Variants in MDM2 observed in about 807,000 individuals in gnomAD.
MDM2 encodes MDM2 proto-oncogene, also known as E3 ubiquitin-protein ligase Mdm2.
In MDM2, 11 loss-of-function variants were observed where a neutral mutation model predicts 64.3. The ratio of observed to expected loss-of-function variants is 0.17; its 90% CI spans 0.11 to 0.28. The LOEUF (loss-of-function observed/expected upper bound fraction) is 0.28, where lower values mean the gene tolerates loss of function less well. Among genes scored for constraint, MDM2 ranks in the 10% least tolerant of loss-of-function variants. The pLI is 1.00. For synonymous variants in MDM2, 194 were observed against 192.9 expected (o/e 1.01, Z -0.05); for missense variants, 388 against 577.1 (o/e 0.67, Z 3.36).
Position 68,842,189 on chromosome 12 carries a change from G to T in MDM2, c.*2340G>T. On this transcript the variant is annotated 3_prime_UTR_variant, in exon 11 of 11. Coordinates refer to ENST00000258149, the MANE Select transcript of MDM2 (RefSeq NM_002392.6). ...TATGGAATAAAACTACTGATGCAGT[G>T]AAGACAGTTGAAAAGATCAAACAAA... 2.0e-6 allele frequency: 1 copy of T among 499,098 alleles called. No individual in the cohort carries two copies. The allele number at this position is 499,098 out of a possible 1,614,324, so 30.9% of individuals were successfully genotyped here.
At chr12:68,825,536 C>T (rs1221688224) in intron 7 of MDM2, among the ~76,000 whole-genome samples, 1 of 152,098 alleles carries the variant, frequency 6.6e-6, no homozygotes, top group African/African-American at 2.4e-5. Context: ...GCCTGTAGTC[C>T]CAGCTACTCG....
chr12:68,833,166 ATT>A (rs1383832355), intron 8 of MDM2, among the ~76,000 whole-genome samples: 4 of 122,032 alleles, frequency 3.3e-5, no homozygotes, highest in Non-Finnish European at 5.2e-5. Context: ...ATATATATAT[ATT>A]TATATTTAAA....
intron 7 of MDM2, among the ~76,000 whole-genome samples, chr12:68,825,930 CT>C (rs1882280013): frequency 6.6e-6 from 1 of 152,068 alleles, no homozygotes; most frequent in South Asian, 2.1e-4. Flanking sequence ...AGATCTGTAC[CT>C]TATGCCAAAA....
At chr12:68,829,254 AGTT>A (rs146370968) in intron 8 of MDM2, among the ~76,000 whole-genome samples, 11,236 of 152,214 alleles carry the variant, frequency 0.074, 505 homozygotes, top group African/African-American at 0.13. Context: ...TGGAGTATAG[AGTT>A]GTTTGAGAAT....
At chr12:68,813,071 T>C (rs1295759956) in intron 2 of MDM2, among the ~76,000 whole-genome samples, 1 of 152,206 alleles carries the variant, frequency 6.6e-6, no homozygotes, top group Non-Finnish European at 1.5e-5. Flanking sequence ...AAGAAAATGC[T>C]GAGTTGTAGT....
chr12:68,810,663 A>G (rs971170553), intron 2 of MDM2, among the ~76,000 whole-genome samples: 2 of 151,788 alleles, frequency 1.3e-5, no homozygotes, highest in African/African-American at 4.8e-5. Context: ...GGGTTTCACC[A>G]TGTTAGCCAG....
chr12:68,850,436 TA>T (rs1474975991), downstream of MDM2: 1 of 152,240 alleles, frequency 6.6e-6, no homozygotes, highest in Non-Finnish European at 1.5e-5. Flanking sequence ...CGTCACTTTT[TA>T]AAAATTGGTA....
intron 8 of MDM2, among the ~76,000 whole-genome samples, chr12:68,831,564 G>A (rs1163723475): frequency 2.0e-5 from 3 of 152,144 alleles, no homozygotes; most frequent in Non-Finnish European, 4.4e-5. Flanking sequence ...GGACCCTCTT[G>A]CATTTGCATC....
In MDM2 at chr12:68,845,168, T is replaced by C. The variant is rs919268008; in HGVS notation, c.*5319T>C. The stretch of plus-strand genomic sequence containing the variant: ...GTGAAAAGTTTTTAGTTGCGCTTTA[T>C]GGGTGGATGCTGAATTACATTTTGA... On this transcript the variant is annotated 3_prime_UTR_variant, in exon 11 of 11. Transcript: ENST00000258149. 12 of 222,616 alleles carry C rather than the reference T, an allele frequency of 5.4e-5. No individual in the cohort carries two copies. Among genetic ancestry groups the C allele is most frequent in the African/African-American group, 2.5e-4 (11 of 44,582 alleles). The allele number at this position is 222,616 out of a possible 1,614,324, so 13.8% of individuals were successfully genotyped here. A position where few individuals can be genotyped will look rare whatever the true frequency, so the allele number is the denominator to read the frequency against.
intron 1 of MDM2, 192 bp from the exon 2 acceptor site, chr12:68,809,016 C>T: frequency 6.8e-7 from 1 of 1,473,226 alleles, no homozygotes; most frequent in Non-Finnish European, 8.9e-7. Flanking sequence ...ATTTTCCCAG[C>T]TGTGTTCAGT....
intron 2 of MDM2, among the ~76,000 whole-genome samples, chr12:68,811,601 A>ATTTT (rs34328350): frequency 1.2e-4 from 14 of 114,342 alleles, no homozygotes; most frequent in African/African-American, 2.4e-4. Context: ...TCCATTACAG[A>ATTTT]TTTTTTTTTT....
At chr12:68,826,414 C>T (rs1298302703) in intron 7 of MDM2, among the ~76,000 whole-genome samples, 6 of 151,772 alleles carry the variant, frequency 4.0e-5, no homozygotes, top group African/African-American at 9.7e-5. Context: ...TTTGGAAGGC[C>T]GAAGCGGGTG....
rs1286039833 is a variant in MDM2, at chr12:68,839,644, A to T, written c.1289A>T (p.Glu430Val). 6 of 1,613,668 alleles carry T rather than the reference A, an allele frequency of 3.7e-6. No homozygotes were observed. Among genetic ancestry groups the T allele is most frequent in the Non-Finnish European group, 4.2e-6 (5 of 1,180,014 alleles). ...FEREETQDKE[E>V]SVESSLPLNA... is the part of the protein sequence containing the mutation. ...AGGGAAGAAACCCAAGACAAAGAAG[A>T]GAGTGTGGAATCTAGTTTGCCCCTT... Residue 430 changes from glutamate (E) to valine (V), a missense_variant, in exon 11 of 11, where the codon GAG becomes GTG. Transcript: ENST00000258149.
In MDM2 at chr12:68,842,884, T is replaced by A; in HGVS notation, c.*3035T>A. On this transcript the variant is annotated 3_prime_UTR_variant, in exon 11 of 11. Transcript: ENST00000258149. The stretch of plus-strand genomic sequence containing the variant: ...ATAATGAAGCCTAGTTATGCTGGAC[T>A]GTTTTGATCTCTTTTAATTGTTCTG... 1 of 206,852 alleles carries A rather than the reference T, an allele frequency of 4.8e-6. No individual in the cohort carries two copies. The highest frequency in any genetic ancestry group is 1.9e-4 in the South Asian group (1 of 5,324). 12.8% of individuals were successfully genotyped at this position (206,852 alleles called of 1,614,324 possible).
At chr12:68,815,430 CTTCT>C (rs1473853660) in intron 3 of MDM2, among the ~76,000 whole-genome samples, 1 of 97,846 alleles carries the variant, frequency 1.0e-5, no homozygotes, top group African/African-American at 4.9e-5. Context: ...CCAGTTTCTT[CTTCT>C]TTTTTTTTTT....
chr12:68,830,238 C>G (rs964790055), intron 8 of MDM2, among the ~76,000 whole-genome samples: 2 of 152,174 alleles, frequency 1.3e-5, no homozygotes, highest in African/African-American at 4.8e-5. Flanking sequence ...GTATAGTACT[C>G]TAGAAGATGT....
chr12:68,829,278 C>G (rs983330903), intron 8 of MDM2, among the ~76,000 whole-genome samples: 1 of 152,132 alleles, frequency 6.6e-6, no homozygotes, highest in South Asian at 2.1e-4. Flanking sequence ...TTGAGAGTTA[C>G]ACTTTTTAAA....
rs1250037555 is a variant in MDM2, at chr12:68,844,331, A to G, written c.*4482A>G. The stretch of plus-strand genomic sequence containing the variant: ...ATGCCTGCCCACTTTAGAAATACAA[A>G]TATCACTGGGCAGCTTGAAGCAGTT... On this transcript the variant is annotated 3_prime_UTR_variant, in exon 11 of 11. Transcript: ENST00000258149. The G allele has an allele frequency of 9.0e-6, 2 of 223,462 alleles. No homozygotes were observed. The highest frequency in any genetic ancestry group is 2.2e-5 in the African/African-American group (1 of 44,840). 13.8% of individuals were successfully genotyped at this position (223,462 alleles called of 1,614,324 possible).
chr12:68,821,201 C>T (rs1224422794), intron 5 of MDM2, among the ~76,000 whole-genome samples: 1 of 152,002 alleles, frequency 6.6e-6, no homozygotes, highest in Non-Finnish European at 1.5e-5. Flanking sequence ...GCGTATGCCA[C>T]CACGCCCGGC....
Sources: gnomAD v4.1 joint callset for allele counts (sites outside exome capture counted in the v4.1 genomes callset) on GRCh38, gnomAD v4.1.1 for gene constraint, MANE v1.5 for transcripts, NCBI Gene and HGNC (gene_info 2026-07-23, HGNC 2026-07-21) for gene names.